Variants in SARM1 observed in about 807,000 individuals in gnomAD.
SARM1 encodes sterile alpha and TIR motif containing 1.
A neutral mutation model predicts 65.1 loss-of-function variants in SARM1; 60 were observed. That is an observed-to-expected ratio of 0.92 (90% CI 0.75 to 1.14). The LOEUF (loss-of-function observed/expected upper bound fraction) is 1.14. Ranked by LOEUF, SARM1 falls within the 50% of genes most tolerant of loss-of-function variation. The pLI is 0.00. For synonymous variants in SARM1, 417 were observed against 465.4 expected, an observed-to-expected ratio of 0.90 and a Z score of 1.34; for missense variants, 913 against 1,015.7, an observed-to-expected ratio of 0.90 and a Z score of 1.37.
In SARM1 at chr17:28,400,510, G is replaced by T. The variant is rs868924867; in HGVS notation, c.*4224G>T. 2.0e-6 allele frequency: 3 copies of T among 1,489,902 alleles called. No homozygotes were observed. Among genetic ancestry groups the T allele is most frequent in the Middle Eastern group, 2.3e-4 (1 of 4,368 alleles). 92.3% of individuals were successfully genotyped at this position (1,489,902 alleles called of 1,614,324 possible). ...TGGGACAAGACACCCAGAGGGTAAG[G>T]ATTCCAGGAATGAAGCTGCCATTTC... On this transcript the variant is annotated 3_prime_UTR_variant, in exon 9 of 9. Transcript: ENST00000585482.
At chr17:28,386,325 T>G (rs1309474264) in intron 5 of SARM1, among the ~76,000 whole-genome samples, 2 of 151,938 alleles carry the variant, frequency 1.3e-5, no homozygotes, top group African/African-American at 2.4e-5. Flanking sequence ...AGAAAAAAAG[T>G]ATCAGTTTGA....
At chr17:28,395,152 T>C (rs2068104662) in intron 7 of SARM1, 1 of 152,146 alleles carries the variant, frequency 6.6e-6, no homozygotes, top group Non-Finnish European at 1.5e-5. Flanking sequence ...GCTTGAATAA[T>C]AGTAATAAAT....
At chr17:28,376,271 T>C (rs1451048923) in intron 1 of SARM1, among the ~76,000 whole-genome samples, 1 of 151,938 alleles carries the variant, frequency 6.6e-6, no homozygotes, top group African/African-American at 2.4e-5. Flanking sequence ...AATGAGAGTG[T>C]TGGCTGGCCA....
rs377272855 is a variant in SARM1 at position 28,402,370 on chromosome 17, C to T, written c.*6084C>T. 1.7e-4 allele frequency: 262 copies of T among 1,521,554 alleles called. No homozygotes were observed. Among genetic ancestry groups the T allele is most frequent in the Non-Finnish European group, 2.2e-4 (243 of 1,105,466 alleles). The allele number at this position is 1,521,554 out of a possible 1,614,324, so 94.3% of individuals were successfully genotyped here. On this transcript the variant is annotated 3_prime_UTR_variant, in exon 9 of 9. Transcript: ENST00000585482. ...AGGAAAATGGGGCTGGGGAGAGGGG[C>T]GTCCAAGGGAAAGGCAGCAGAGCTC...
Position 28,401,139 on chromosome 17 carries a change from G to A in SARM1, c.*4853G>A. 1 of 329,546 alleles carries A rather than the reference G, an allele frequency of 3.0e-6. No individual in the cohort carries two copies. Among genetic ancestry groups the A allele is most frequent in the South Asian group, 2.7e-5 (1 of 36,784 alleles). 20.4% of individuals were successfully genotyped at this position (329,546 alleles called of 1,614,324 possible). ...CATCTCCTGTTTGGGATTAACTGCT[G>A]GTCTGATCAGTTCCAATATTCATAG... On this transcript the variant is annotated 3_prime_UTR_variant, in exon 9 of 9. Transcript: ENST00000585482.
rs79285075 is a variant in SARM1, at chr17:28,390,830, T to C, written c.1923+2291T>C. 4.3e-4 allele frequency among the ~76,000 whole-genome samples: 65 copies of C among 152,206 alleles called. 3 individuals are homozygous for C. The East Asian group carries it at 0.013, about 29-fold the overall frequency. ...CAGGGTAACAGCATGAGCAAAGGAA[T>C]AAAGGTAGGGAGGAGAACAGTGCTG... On this transcript the variant is annotated intron_variant, in intron 7 of 8. Coordinates refer to ENST00000585482, the MANE Select transcript of SARM1 (RefSeq NM_015077.4).
At position 28,402,061 on chromosome 17, in the gene SARM1, G is replaced by GATTTTCA. The variant is rs1555589722; in HGVS notation, c.*5775_*5776insATTTTCA. 1 of 555,522 alleles carries GATTTTCA rather than the reference G, an allele frequency of 1.8e-6. No homozygotes were observed. Among genetic ancestry groups the GATTTTCA allele is most frequent in the Non-Finnish European group, 3.2e-6 (1 of 312,832 alleles). The allele number at this position is 555,522 out of a possible 1,614,324, so 34.4% of individuals were successfully genotyped here. A position where few individuals can be genotyped will look rare whatever the true frequency, so the allele number is the denominator to read the frequency against. On this transcript the variant is annotated 3_prime_UTR_variant, in exon 9 of 9. Transcript: ENST00000585482. ...ACTCTGCGGTTTGAAAATCCAAGGT[G>GATTTTCA]GCATGATCCTCTGCCCATTGTGGGC... is the stretch of plus-strand genomic sequence containing the variant.
Position 28,384,271 on chromosome 17 carries a change from G to A in SARM1, c.1090-86G>A, listed in dbSNP as rs2068038321. The stretch of plus-strand genomic sequence containing the variant: ...CAGATGGAGAGACTTTGGGTTGTGA[G>A]AAGAGACAAGGAGAGGGACTGGGCA... On this transcript the variant is annotated intron_variant, in intron 2 of 8. Coordinates refer to ENST00000585482, the MANE Select transcript of SARM1 (RefSeq NM_015077.4). This position sits in a 1 kb window ranked among gnomAD's most constrained non-coding sequence, Gnocchi z 4.4. 2 of 1,149,088 alleles carry A rather than the reference G, an allele frequency of 1.7e-6. No homozygotes were observed. Among genetic ancestry groups the A allele is most frequent in the Admixed American group, 2.6e-5 (1 of 38,802 alleles). The allele number at this position is 1,149,088 out of a possible 1,614,324, so 71.2% of individuals were successfully genotyped here.
At chr17:28,395,778 TG>T in intron 7 of SARM1, 126 bp from the exon 8 acceptor site, 3 of 911,814 alleles carry the variant, frequency 3.3e-6, no homozygotes, top group Non-Finnish European at 5.2e-6. Context: ...GACATCAAGG[TG>T]GACATCAGGA....
In SARM1 at chr17:28,377,268, C is replaced by G. The variant is rs957125144; in HGVS notation, c.471-3935C>G. Among the ~76,000 whole-genome samples, 4 of 152,218 alleles carry G rather than the reference C, an allele frequency of 2.6e-5. No homozygotes were observed. In the East Asian group the frequency reaches 5.8e-4, roughly 22 times the overall value. ...TGACTCTGGGCATGTCATGTACCCTCTCTGAGTTTTGGTTTTCTCATTGGT... is the reference window on the plus strand; with the variant it reads ...TGACTCTGGGCATGTCATGTACCCTGTCTGAGTTTTGGTTTTCTCATTGGT... On this transcript the variant is annotated intron_variant, in intron 1 of 8. Transcript: ENST00000585482.
intron 7 of SARM1, among the ~76,000 whole-genome samples, chr17:28,391,751 C>T (rs1397506795): frequency 7.4e-6 from 1 of 135,434 alleles, no homozygotes; most frequent in Non-Finnish European, 1.6e-5. Context: ...GAGGCTGAGG[C>T]TGTAGAGGAG....
Position 28,384,553 on chromosome 17 carries a change from A to T in SARM1, c.1286A>T (p.Tyr429Phe). Reference sequence around the variant, plus strand: ...CTGCAGCAGATCGGTTTCTCCAAGTACTGCGAGAGCTTCCGGGTAGAGTCG... The same window carrying T: ...CTGCAGCAGATCGGTTTCTCCAAGTTCTGCGAGAGCTTCCGGGTAGAGTCG... ...TWLQQIGFSK[Y>F]CESFREQQVD... Residue 429 changes from tyrosine (Y) to phenylalanine (F), a missense_variant, in exon 3 of 9, where the codon TAC becomes TTC. By Grantham distance (22) the Tyr-to-Phe change is conservative. Coordinates refer to ENST00000585482, the MANE Select transcript of SARM1 (RefSeq NM_015077.4). This position sits in a 1 kb window ranked among gnomAD's most constrained non-coding sequence, Gnocchi z 4.4. 3 of 1,608,702 alleles carry T rather than the reference A, an allele frequency of 1.9e-6. No homozygotes were observed. The highest frequency in any genetic ancestry group is 2.5e-6 in the Non-Finnish European group (3 of 1,177,940).
At chr17:28,394,139 C>A (rs2068095436) in intron 7 of SARM1, among the ~76,000 whole-genome samples, 1 of 152,182 alleles carries the variant, frequency 6.6e-6, no homozygotes, top group African/African-American at 2.4e-5. Flanking sequence ...TAAGACCATG[C>A]AAAGTCTTGA....
intron 2 of SARM1, among the ~76,000 whole-genome samples, chr17:28,383,374 AAAAAAG>A (rs1457047562): frequency 3.9e-5 from 6 of 152,164 alleles, no homozygotes; most frequent in African/African-American, 1.2e-4. Flanking sequence ...GCTCCATCTC[AAAAAAG>A]AAAAAGAAAA....
At chr17:28,373,997 T>G (rs2067973256) in intron 1 of SARM1, 1 of 152,026 alleles carries the variant, frequency 6.6e-6, no homozygotes, top group African/African-American at 2.4e-5. Context: ...CCAGGCGCCG[T>G]GGCTCACGCC....
chr17:28,394,966 G>T (rs1218318531), intron 7 of SARM1: 1 of 151,922 alleles, frequency 6.6e-6, no homozygotes, highest in African/African-American at 2.4e-5. Context: ...GATCTAAGTG[G>T]GGATCTAAGG....
Position 28,381,454 on chromosome 17 carries a change from T to C in SARM1, c.722T>C (p.Val241Ala). Residue 241 changes from valine to alanine, a missense_variant, in exon 2 of 9, where the codon GTG (valine) becomes GCG (alanine). This residue lies in a region of SARM1 where 862 missense variants were observed against 952.1 expected (regional missense o/e 0.91). Coordinates refer to ENST00000585482, the MANE Select transcript of SARM1 (RefSeq NM_015077.4). ...GNCALHGGQA[V>A]QRRMVEKRAA... Reference sequence around the variant, plus strand: ...TGCGCGCTGCACGGGGGCCAGGCGGTGCAGCGACGCATGGTAGAGAAGCGC... The same window carrying C: ...TGCGCGCTGCACGGGGGCCAGGCGGCGCAGCGACGCATGGTAGAGAAGCGC... The C allele has an allele frequency of 6.5e-7, 1 of 1,549,918 alleles. No homozygotes were observed.
intron 1 of SARM1, chr17:28,373,612 G>T (rs1309109816): frequency 1.3e-5 from 2 of 152,164 alleles, no homozygotes; most frequent in East Asian, 3.9e-4. Context: ...TCTGACATCC[G>T]TTGCCATGAT....
chr17:28,375,873 G>A (rs1280580244), intron 1 of SARM1, among the ~76,000 whole-genome samples: 1 of 152,122 alleles, frequency 6.6e-6, no homozygotes, highest in Non-Finnish European at 1.5e-5. Flanking sequence ...CCTCTCTGGA[G>A]ATAAACCACT....
Sources: allele counts gnomAD v4.1 joint callset (sites outside exome capture counted in the v4.1 genomes callset), GRCh38; gene constraint gnomAD v4.1.1; regional missense constraint gnomAD v4.1.1; non-coding constraint Gnocchi (gnomAD v3.1); transcripts MANE v1.5; gene names NCBI Gene and HGNC (gene_info 2026-07-23, HGNC 2026-07-21).